Variants in PIP5K1C observed in about 807,000 individuals in gnomAD.
PIP5K1C encodes phosphatidylinositol 4-phosphate 5-kinase type-1 gamma.
PIP5K1C carries 45 observed loss-of-function variants against 80.1 expected under a neutral mutation model. That is an observed-to-expected ratio of 0.56 (90% CI 0.44 to 0.72). The LOEUF (loss-of-function observed/expected upper bound fraction) is 0.72. Among genes scored for constraint, PIP5K1C ranks in the 30% least tolerant of loss-of-function variants. The pLI is 0.00. For synonymous variants in PIP5K1C, 498 were observed against 420.1 expected, an observed-to-expected ratio of 1.19 and a Z score of -2.27; for missense variants, 753 against 954.6, an observed-to-expected ratio of 0.79 and a Z score of 2.78.
At chr19:3,674,900 G>A (rs141643952) in intron 1 of PIP5K1C, among the ~76,000 whole-genome samples, 28 of 152,320 alleles carry the variant, frequency 1.8e-4, no homozygotes, top group African/African-American at 6.7e-4. Context: ...ATCTGTACAT[G>A]GATTATTCAG....
In PIP5K1C at chr19:3,667,372, G is replaced by A; in HGVS notation, c.95-19C>T. On this transcript the variant is annotated intron_variant, in intron 1 of 17. Coordinates refer to ENST00000335312, the MANE Select transcript of PIP5K1C (RefSeq NM_012398.3). ...GCCAAACCTGCAGAAGAGACAAGCT[G>A]GGTATCAGACAGGAAACCGGTGACC... The A allele has an allele frequency of 6.2e-7, 1 of 1,612,926 alleles. No homozygotes were observed.
chr19:3,643,420 G>C (rs765823385), intron 12 of PIP5K1C, 39 bp from the exon 13 acceptor site: 9 of 1,610,506 alleles, frequency 5.6e-6, no homozygotes, highest in African/African-American at 2.7e-5. Context: ...CGGAGCCTCC[G>C]AGCCCCCAAA....
chr19:3,650,037 G>C (rs1307920333), intron 8 of PIP5K1C: 1 of 168,876 alleles, frequency 5.9e-6, no homozygotes, highest in African/African-American at 2.4e-5. Flanking sequence ...CAAACGCCAG[G>C]ATGGTCTGAG....
At chr19:3,664,266 C>A (rs1397193816) in intron 3 of PIP5K1C, among the ~76,000 whole-genome samples, 1 of 152,172 alleles carries the variant, frequency 6.6e-6, no homozygotes, top group African/African-American at 2.4e-5. Flanking sequence ...TGAGCTGATG[C>A]AATGTTCTGG....
At chr19:3,640,715 C>G (rs1228435489) in intron 15 of PIP5K1C, among the ~76,000 whole-genome samples, 1 of 150,456 alleles carries the variant, frequency 6.6e-6, no homozygotes, top group Non-Finnish European at 1.5e-5. Context: ...TAGGTGGAGT[C>G]TTGCTCTGTC....
Position 3,646,063 on chromosome 19 carries a change from AAG to A in PIP5K1C, c.1261-7_1261-6del, listed in dbSNP as rs1172309351. The A allele has an allele frequency of 6.5e-7, 1 of 1,546,332 alleles. No homozygotes were observed. Among genetic ancestry groups the A allele is most frequent in the Non-Finnish European group, 8.8e-7 (1 of 1,131,614 alleles). ...GCGGTGGACGGACACCGTGTCCTGG[AAG>A]AGAGTTGGGGGGGGTGCCCGGGGGC... On this transcript the variant is annotated splice_polypyrimidine_tract_variant and splice_region_variant and intron_variant, in intron 10 of 17. Transcript: ENST00000335312.
intron 16 of PIP5K1C, among the ~76,000 whole-genome samples, chr19:3,636,131 T>C (rs548896122): frequency 1.3e-5 from 2 of 152,138 alleles, no homozygotes; most frequent in African/African-American, 4.8e-5. Flanking sequence ...CACTCCAGCC[T>C]GGGCGACAGA....
intron 1 of PIP5K1C, among the ~76,000 whole-genome samples, chr19:3,695,565 G>A (rs911117690): frequency 3.9e-5 from 6 of 152,152 alleles, no homozygotes; most frequent in Non-Finnish European, 8.8e-5. Flanking sequence ...GGCCCCCGAG[G>A]CCTCTCCACT....
Position 3,637,998 on chromosome 19 carries a change from G to C in PIP5K1C, c.1920+886C>G. 1 of 1,521,620 alleles carries C rather than the reference G, an allele frequency of 6.6e-7. No homozygotes were observed. 94.3% of individuals were successfully genotyped at this position (1,521,620 alleles called of 1,614,324 possible). ...GCCAGGTGGGTGCATGGGGACCCCA[G>C]AGGCGCCACTGGAGACAGAGCAGGG... On this transcript the variant is annotated intron_variant, in intron 16 of 17. Transcript: ENST00000335312. The surrounding 1 kb of genome is among the most constrained non-coding windows in gnomAD (Gnocchi z 7.0).
intron 16 of PIP5K1C, among the ~76,000 whole-genome samples, chr19:3,633,964 T>C (rs1343230732): frequency 6.6e-6 from 1 of 151,888 alleles, no homozygotes; most frequent in Admixed American, 6.6e-5. Context: ...GAGGTCGGGG[T>C]GCCGGACCTA....
At chr19:3,691,076 C>T (rs2035933955) in intron 1 of PIP5K1C, among the ~76,000 whole-genome samples, 2 of 152,178 alleles carry the variant, frequency 1.3e-5, no homozygotes, top group South Asian at 4.1e-4. Flanking sequence ...GTGGTCTCTG[C>T]TCCCCTTGTG....
intron 2 of PIP5K1C, 147 bp from the exon 3 acceptor site, chr19:3,665,061 T>G (rs2034965330): frequency 1.4e-6 from 1 of 729,360 alleles, no homozygotes; most frequent in Non-Finnish European, 2.4e-6. Context: ...GACTCCGGGG[T>G]GCAGCAGGAG....
intron 2 of PIP5K1C, among the ~76,000 whole-genome samples, chr19:3,666,466 C>T (rs944399696): frequency 2.6e-5 from 4 of 152,264 alleles, no homozygotes; most frequent in African/African-American, 7.2e-5. Context: ...GATGTGCACA[C>T]ACACAGACAA....
intron 1 of PIP5K1C, among the ~76,000 whole-genome samples, chr19:3,670,928 G>C (rs1255848142): frequency 1.3e-5 from 2 of 152,242 alleles, no homozygotes; most frequent in Non-Finnish European, 2.9e-5. Flanking sequence ...GTCGCCCCCA[G>C]GTCTCTGACA....
rs541509086 is a variant in PIP5K1C, at chr19:3,667,202, C to T, written c.126+120G>A. 72 of 819,282 alleles carry T rather than the reference C, an allele frequency of 8.8e-5. 1 individual carries two copies. The highest frequency in any genetic ancestry group is 1.2e-4 in the Non-Finnish European group (57 of 483,050). The allele number at this position is 819,282 out of a possible 1,614,324, so 50.8% of individuals were successfully genotyped here. ...GTTCATCCTGCTTGTGGACACTGGACGGCATTTGGGGCCCAGAGAGGTGTA... is the reference window on the plus strand; with the variant it reads ...GTTCATCCTGCTTGTGGACACTGGATGGCATTTGGGGCCCAGAGAGGTGTA... On this transcript the variant is annotated intron_variant, in intron 2 of 17. Transcript: ENST00000335312.
chr19:3,644,071 G>A lies in PIP5K1C; in HGVS notation c.1510+16C>T. The A allele has an allele frequency of 2.5e-6, 4 of 1,609,766 alleles. No individual in the cohort carries two copies. The highest frequency in any genetic ancestry group is 3.4e-6 in the Non-Finnish European group (4 of 1,179,716). ...CCTGTAGCGCCCACAAGCGCACTCTGCCCTCTGCCCCTCACCTTCGTCCTC... is the reference window on the plus strand; with the variant it reads ...CCTGTAGCGCCCACAAGCGCACTCTACCCTCTGCCCCTCACCTTCGTCCTC... On this transcript the variant is annotated intron_variant, in intron 12 of 17. Transcript: ENST00000335312.
At chr19:3,689,375 G>T (rs1167317704) in intron 1 of PIP5K1C, among the ~76,000 whole-genome samples, 1 of 152,168 alleles carries the variant, frequency 6.6e-6, no homozygotes, top group African/African-American at 2.4e-5. Flanking sequence ...AACAGGCCTG[G>T]CGCAGTGGCT....
chr19:3,654,433 C>CA (rs1340952173), intron 6 of PIP5K1C, among the ~76,000 whole-genome samples: 2 of 152,248 alleles, frequency 1.3e-5, no homozygotes, highest in African/African-American at 2.4e-5. Flanking sequence ...CCAGCCTGGG[C>CA]AGGCTAGGTG....
chr19:3,643,410 C>T (rs947694643), intron 12 of PIP5K1C, 29 bp from the exon 13 acceptor site: 17 of 1,611,560 alleles, frequency 1.1e-5, no homozygotes, highest in African/African-American at 1.3e-5. Context: ...GGGCACCTTG[C>T]GGAGCCTCCG....
Sources: gnomAD v4.1 joint callset for allele counts (sites outside exome capture counted in the v4.1 genomes callset) on GRCh38, gnomAD v4.1.1 for gene constraint, Gnocchi (gnomAD v3.1) non-coding constraint, MANE v1.5 for transcripts, NCBI Gene and HGNC (gene_info 2026-07-23, HGNC 2026-07-21) for gene names.